The following SIPA1L2 variants were observed in gnomAD, a reference collection of about 807,000 sequenced individuals.
SIPA1L2 encodes the protein signal induced proliferation associated 1 like 2.
SIPA1L2 carries 56 observed loss-of-function variants against 163.9 expected under a neutral mutation model. The observed-to-expected ratio is 0.34, with a 90% CI of 0.28 to 0.43. The LOEUF is 0.43. Among genes scored for constraint, SIPA1L2 ranks in the 20% least tolerant of loss-of-function variants. The pLI, the probability that SIPA1L2 is intolerant of heterozygous loss-of-function variation, is 1.00. For missense variants in SIPA1L2, 1,974 were observed against 2,193.5 expected (o/e 0.90, Z 2.00); for synonymous variants, 877 against 865.7 (o/e 1.01, Z -0.23).
intron 6 of SIPA1L2, among the ~76,000 whole-genome samples, chr1:232,480,193 T>TGTG (rs1558210866): frequency 1.0e-4 from 7 of 67,550 alleles, no homozygotes; most frequent in Admixed American, 1.7e-4. Flanking sequence ...GTGTGTGTGT[T>TGTG]TTTACAGTTA....
intron 1 of SIPA1L2, among the ~76,000 whole-genome samples, chr1:232,616,248 G>T (rs981419582): frequency 1.3e-5 from 2 of 152,172 alleles, no homozygotes; most frequent in African/African-American, 2.4e-5. Flanking sequence ...CAACACAAGA[G>T]TTCTAACATC....
intron 19 of SIPA1L2, among the ~76,000 whole-genome samples, chr1:232,410,270 T>C (rs934826359): frequency 2.0e-5 from 3 of 152,164 alleles, no homozygotes; most frequent in African/African-American, 7.2e-5. Context: ...TTTGAAGAAA[T>C]AGGTTCTAAT....
Position 232,493,554 on chromosome 1 carries a change from G to A in SIPA1L2, c.1590C>T (p.Asn530=). ...DAKEKEGSQF[N]YRVAFRTSEL... ...CACTTGTCCTGAAAGCCACCCTGTAGTTGAACTGGGATCCTTCTTTCTCCT... is the reference window on the plus strand; with the variant it reads ...CACTTGTCCTGAAAGCCACCCTGTAATTGAACTGGGATCCTTCTTTCTCCT... Residue 530 remains asparagine (N), a synonymous_variant, in exon 4 of 23, where the codon AAC becomes AAT. Coordinates refer to ENST00000674635, the MANE Select transcript of SIPA1L2 (RefSeq NM_020808.5). The A allele has an allele frequency of 6.2e-7, 1 of 1,614,076 alleles. No individual in the cohort carries two copies.
intron 7 of SIPA1L2, among the ~76,000 whole-genome samples, chr1:232,474,546 G>A (rs1350034992): frequency 1.3e-5 from 2 of 152,086 alleles, no homozygotes; most frequent in Non-Finnish European, 2.9e-5. Flanking sequence ...CTAATTATTC[G>A]ACAGTACAGT....
At chr1:232,604,874 T>C (rs760581732) in intron 1 of SIPA1L2, among the ~76,000 whole-genome samples, 1 of 152,102 alleles carries the variant, frequency 6.6e-6, no homozygotes, top group East Asian at 1.9e-4. Flanking sequence ...TCTTCCGCCA[T>C]GATTATAAGT....
In SIPA1L2 at chr1:232,515,418, A is replaced by G; in HGVS notation, c.-79T>C. The G allele has an allele frequency of 1.4e-6, 2 of 1,391,134 alleles. No homozygotes were observed. The highest frequency in any genetic ancestry group is 1.9e-6 in the Non-Finnish European group (2 of 1,039,180). 86.2% of individuals were successfully genotyped at this position (1,391,134 alleles called of 1,614,324 possible). On this transcript the variant is annotated 5_prime_UTR_variant, in exon 3 of 23. Transcript: ENST00000674635. ...TTACATTGCTACCGACCACGCCATA[A>G]TACTTGCAGATATAAAGGCTTTGTC...
chr1:232,531,966 G>A (rs1573037474), intron 2 of SIPA1L2, among the ~76,000 whole-genome samples: 1 of 152,256 alleles, frequency 6.6e-6, no homozygotes, highest in Middle Eastern at 3.4e-3. Flanking sequence ...GAAAGGTAGC[G>A]GGCTCAGATC....
chr1:232,549,395 A>G (rs1019759349), intron 2 of SIPA1L2, among the ~76,000 whole-genome samples: 1 of 152,232 alleles, frequency 6.6e-6, no homozygotes, highest in South Asian at 2.1e-4. Flanking sequence ...AATCCCAAAG[A>G]GGAGATCTGA....
At chr1:232,500,365 A>C (rs12029169) in intron 3 of SIPA1L2, among the ~76,000 whole-genome samples, 58,451 of 152,138 alleles carry the variant, frequency 0.38, 12,636 homozygotes, top group East Asian at 0.72. Flanking sequence ...ATAGAGATTC[A>C]TCTGATGGAT....
At chr1:232,519,519 G>A (rs1358727342) in intron 2 of SIPA1L2, among the ~76,000 whole-genome samples, 1 of 152,174 alleles carries the variant, frequency 6.6e-6, no homozygotes, top group African/African-American at 2.4e-5. Context: ...AGTTAGAGAA[G>A]AAGCCATATG....
At chr1:232,597,108 A>G (rs1375896098) in intron 1 of SIPA1L2, among the ~76,000 whole-genome samples, 1 of 152,170 alleles carries the variant, frequency 6.6e-6, no homozygotes, top group Non-Finnish European at 1.5e-5. Context: ...AGAGGGTTCT[A>G]TGAGCATCCC....
At chr1:232,524,880 G>A (rs1667619988) in intron 2 of SIPA1L2, among the ~76,000 whole-genome samples, 1 of 152,062 alleles carries the variant, frequency 6.6e-6, no homozygotes, top group Non-Finnish European at 1.5e-5. Flanking sequence ...TTTCTTCCTT[G>A]TATTTTTCTA....
At chr1:232,469,360 G>C (rs1469473409) in intron 8 of SIPA1L2, among the ~76,000 whole-genome samples, 1 of 152,176 alleles carries the variant, frequency 6.6e-6, no homozygotes, top group Non-Finnish European at 1.5e-5. Context: ...ATTTAGAGGA[G>C]TATCACATGA....
intron 1 of SIPA1L2, among the ~76,000 whole-genome samples, chr1:232,605,461 G>A (rs12043622): frequency 0.55 from 83,046 of 152,100 alleles, 23,920 homozygotes; most frequent in East Asian, 0.75. Context: ...TTGGGAGGCC[G>A]AAACGGATGG....
At chr1:232,565,110 A>T (rs1182499051) in intron 2 of SIPA1L2, among the ~76,000 whole-genome samples, 1 of 152,232 alleles carries the variant, frequency 6.6e-6, no homozygotes, top group Non-Finnish European at 1.5e-5. Flanking sequence ...TAGAAATAGT[A>T]AGTGTCTAAC....
rs1667161352 is a variant in SIPA1L2, at chr1:232,515,065, T to A, written c.275A>T (p.Glu92Val). The A allele has an allele frequency of 6.2e-7, 1 of 1,614,124 alleles. No individual in the cohort carries two copies. The highest frequency in any genetic ancestry group is 8.5e-7 in the Non-Finnish European group (1 of 1,180,020). ...TTCCCACAGTGCCTTGCATGTTAGC[T>A]CCTTGGAACAGTCCTTTTTAGGAGG... Reference protein sequence around the residue: ...EWPPKKDCSKELTCKALWESR... With the variant: ...EWPPKKDCSKVLTCKALWESR... The change falls in exon 3 of 23, where the codon GAG (glutamate) becomes GTG (valine). Residue 92 changes from glutamate (E) to valine (V), a missense_variant. Coordinates refer to ENST00000674635, the MANE Select transcript of SIPA1L2 (RefSeq NM_020808.5).
intron 2 of SIPA1L2, among the ~76,000 whole-genome samples, chr1:232,554,008 C>T (rs978256193): frequency 1.3e-5 from 2 of 152,136 alleles, no homozygotes; most frequent in Non-Finnish European, 2.9e-5. Context: ...AAGGCATGAG[C>T]CCTGACTCCA....
chr1:232,619,562 T>G (rs985190487), intron 1 of SIPA1L2, among the ~76,000 whole-genome samples: 7 of 152,116 alleles, frequency 4.6e-5, no homozygotes, highest in African/African-American at 1.7e-4. Flanking sequence ...ACACTCAAAG[T>G]CCCTCCGAGG....
rs1409369 is a variant in SIPA1L2 at position 232,445,501 on chromosome 1, C to A, written c.3353+28G>T. 3.1e-6 allele frequency: 5 copies of A among 1,612,190 alleles called. No individual in the cohort carries two copies. In the South Asian group the frequency reaches 3.3e-5, roughly 11 times the overall value. On this transcript the variant is annotated intron_variant, in intron 11 of 22. Coordinates refer to ENST00000674635, the MANE Select transcript of SIPA1L2 (RefSeq NM_020808.5). ...CTCACCCCAGTGATTTACAAGGGCC[C>A]CCCTTGAGGAAACGGAACCAGCATT... is the stretch of plus-strand genomic sequence containing the variant.
Sources: gnomAD v4.1 joint callset for allele counts (sites outside exome capture counted in the v4.1 genomes callset) on GRCh38, gnomAD v4.1.1 for gene constraint, MANE v1.5 for transcripts, NCBI Gene and HGNC (gene_info 2026-07-23, HGNC 2026-07-21) for gene names.